Variants in IGF1R observed in about 807,000 individuals in gnomAD.
IGF1R encodes insulin like growth factor 1 receptor.
In IGF1R, 44 loss-of-function variants were observed where a neutral mutation model predicts 144.6. The ratio of observed to expected loss-of-function variants is 0.30; its 90% CI spans 0.24 to 0.39. The LOEUF (loss-of-function observed/expected upper bound fraction) is 0.39. Among genes scored for constraint, IGF1R ranks in the 10% least tolerant of loss-of-function variants. The probability of loss-of-function intolerance (pLI) is 1.00; values close to 1 mark genes in which losing one functional copy is unlikely to be tolerated. For synonymous variants in IGF1R, 795 were observed against 722.8 expected (o/e 1.10, Z -1.60); for missense variants, 1,355 against 1,833.7 (o/e 0.74, Z 4.77).
chr15:98,703,028 C>T (rs1248409657), intron 1 of IGF1R, among the ~76,000 whole-genome samples: 1 of 152,162 alleles, frequency 6.6e-6, no homozygotes, highest in Non-Finnish European at 1.5e-5. Context: ...CAACTCCCTT[C>T]CCTGACTCCC....
chr15:98,677,390 T>C (rs554528989), intron 1 of IGF1R, among the ~76,000 whole-genome samples: 5 of 152,186 alleles, frequency 3.3e-5, no homozygotes, highest in Non-Finnish European at 7.4e-5. Context: ...CCGAGAATCA[T>C]TGATGACAAA....
In IGF1R at chr15:98,707,559, C is replaced by T. The variant is rs1022488551; in HGVS notation, c.95-3C>T. ...AGACGTTTACCCTCTTGTCTCCCTT[C>T]AGTCTGCGGGCCAGGCATCGACATC... On this transcript the variant is annotated splice_polypyrimidine_tract_variant and splice_region_variant and intron_variant, in intron 1 of 20. Coordinates refer to ENST00000650285, the MANE Select transcript of IGF1R (RefSeq NM_000875.5). This position sits in a 1 kb window ranked among gnomAD's most constrained non-coding sequence, Gnocchi z 6.7. The T allele has an allele frequency of 5.0e-6, 8 of 1,614,086 alleles. No homozygotes were observed. In the East Asian group the frequency reaches 6.7e-5, roughly 13 times the overall value.
At chr15:98,885,685 T>C (rs766249195) in intron 2 of IGF1R, among the ~76,000 whole-genome samples, 12 of 152,370 alleles carry the variant, frequency 7.9e-5, no homozygotes, top group Admixed American at 3.3e-4. Flanking sequence ...CTTTACCTTA[T>C]TTGAACATCT....
At chr15:98,801,831 A>G (rs1216610691) in intron 2 of IGF1R, among the ~76,000 whole-genome samples, 1 of 152,180 alleles carries the variant, frequency 6.6e-6, no homozygotes, top group Non-Finnish European at 1.5e-5. Flanking sequence ...CCCAGCCCCC[A>G]TCCCCGTGGC....
At chr15:98,828,671 ATCTGTGAAGACAC>A (rs905928737) in intron 2 of IGF1R, among the ~76,000 whole-genome samples, 7 of 152,092 alleles carry the variant, frequency 4.6e-5, no homozygotes, top group African/African-American at 1.7e-4. Context: ...GAAATTAATG[ATCTGTGAAGACAC>A]ACAGACATGA....
At chr15:98,714,761 A>G (rs183445050) in intron 2 of IGF1R, among the ~76,000 whole-genome samples, 2 of 152,308 alleles carry the variant, frequency 1.3e-5, no homozygotes, top group South Asian at 2.1e-4. Context: ...AGAGGGGCAC[A>G]TTGTCTTTGT....
At chr15:98,851,045 C>G (rs572360370) in intron 2 of IGF1R, among the ~76,000 whole-genome samples, 1 of 152,182 alleles carries the variant, frequency 6.6e-6, no homozygotes, top group Admixed American at 6.5e-5. Flanking sequence ...AAACCGATTT[C>G]GGAGCACTCC....
chr15:98,669,774 C>T (rs560185453), intron 1 of IGF1R, among the ~76,000 whole-genome samples: 8 of 152,304 alleles, frequency 5.3e-5, no homozygotes, highest in South Asian at 2.1e-4. Context: ...TCTAGCTTCC[C>T]GTGCCGAACC....
rs780700596 is a variant in IGF1R at position 98,649,601 on chromosome 15, G to A, written c.20G>A (p.Gly7Glu). 2.5e-6 allele frequency: 4 copies of A among 1,604,468 alleles called. No homozygotes were observed. The highest frequency in any genetic ancestry group is 2.7e-5 in the African/African-American group (2 of 73,866). The change falls in exon 1 of 21, where the codon GGA becomes GAA. Residue 7 changes from glycine to glutamate, a missense_variant. Gly to Glu is a moderately conservative substitution (Grantham distance 98). Coordinates refer to ENST00000650285, the MANE Select transcript of IGF1R (RefSeq NM_000875.5). The part of the protein sequence containing the change: MKSGSG[G>E]GSPTSLWGLL... ...AAAGGAATGAAGTCTGGCTCCGGAG[G>A]AGGGTCCCCGACCTCGCTGTGGGGG...
chr15:98,921,059 C>T (rs1052576671), intron 10 of IGF1R, among the ~76,000 whole-genome samples: 1 of 152,218 alleles, frequency 6.6e-6, no homozygotes, highest in Non-Finnish European at 1.5e-5. Context: ...TGGACTTTCT[C>T]ATTTCCCTGG....
intron 2 of IGF1R, among the ~76,000 whole-genome samples, chr15:98,747,987 T>C (rs1344678330): frequency 1.3e-5 from 2 of 152,204 alleles, no homozygotes; most frequent in Non-Finnish European, 2.9e-5. Flanking sequence ...TTCGGTAATA[T>C]ATTTGGAAGA....
chr15:98,899,836 C>A (rs1485808964), intron 5 of IGF1R, among the ~76,000 whole-genome samples: 1 of 152,130 alleles, frequency 6.6e-6, no homozygotes, highest in Non-Finnish European at 1.5e-5. Context: ...ATGTTATCAC[C>A]CTTACTGGAT....
chr15:98,903,752 A>G (rs1193923864), intron 5 of IGF1R, among the ~76,000 whole-genome samples: 1 of 152,246 alleles, frequency 6.6e-6, no homozygotes, highest in African/African-American at 2.4e-5. Context: ...CAATAAAAAG[A>G]CGTGAAGTAT....
chr15:98,916,269 T>TTTC, intron 9 of IGF1R, 138 bp downstream of exon 9: 1 of 882,080 alleles, frequency 1.1e-6, no homozygotes, highest in East Asian at 2.7e-5. Context: ...TGGTTTTTTT[T>TTTC]TTTTTTTTTT....
chr15:98,755,174 A>T (rs978518092), intron 2 of IGF1R, among the ~76,000 whole-genome samples: 5 of 152,054 alleles, frequency 3.3e-5, no homozygotes, highest in Non-Finnish European at 5.9e-5. Flanking sequence ...TGCTATTAGT[A>T]TAGTGAATAG....
intron 5 of IGF1R, 144 bp from the exon 6 acceptor site, chr15:98,908,541 A>G: frequency 1.4e-6 from 1 of 703,188 alleles, no homozygotes; most frequent in Non-Finnish European, 2.6e-6. Context: ...CTGTTCTCCT[A>G]TAGTGTTAAT....
At position 98,964,105 on chromosome 15, in the gene IGF1R, A is replaced by G. The variant is rs1465119327; in HGVS notation, c.*6663A>G. On this transcript the variant is annotated 3_prime_UTR_variant, in exon 21 of 21. Transcript: ENST00000650285. Reference sequence around the variant, plus strand: ...GTGAGAGGTTTGCCAGAGTTTGTCTACCTCTGGGTATCCCTTTGTCTGGGA... The same window carrying G: ...GTGAGAGGTTTGCCAGAGTTTGTCTGCCTCTGGGTATCCCTTTGTCTGGGA... 2 of 233,010 alleles carry G rather than the reference A, an allele frequency of 8.6e-6. No individual in the cohort carries two copies. Among genetic ancestry groups the G allele is most frequent in the Admixed American group, 1.1e-4 (2 of 17,756 alleles). The allele number at this position is 233,010 out of a possible 1,614,324, so 14.4% of individuals were successfully genotyped here.
chr15:98,854,189 G>C (rs1271244165), intron 2 of IGF1R, among the ~76,000 whole-genome samples: 1 of 152,166 alleles, frequency 6.6e-6, no homozygotes, highest in African/African-American at 2.4e-5. Context: ...GAGGTTCTGG[G>C]CATCATGACT....
chr15:98,877,894 C>T (rs1222042485), intron 2 of IGF1R, among the ~76,000 whole-genome samples: 2 of 152,206 alleles, frequency 1.3e-5, no homozygotes, highest in Non-Finnish European at 2.9e-5. Context: ...CTACAAGTGG[C>T]TGTCTTCAGT....
Sources: allele counts gnomAD v4.1 joint callset (sites outside exome capture counted in the v4.1 genomes callset), GRCh38; gene constraint gnomAD v4.1.1; non-coding constraint Gnocchi (gnomAD v3.1); transcripts MANE v1.5; gene names NCBI Gene and HGNC (gene_info 2026-07-23, HGNC 2026-07-21).